The following UGT1A7 variants were observed in gnomAD, a reference collection of about 807,000 sequenced individuals.
UGT1A7 encodes the protein UDP glucuronosyltransferase family 1 member A7, also known as UDP-glucuronosyltransferase 1A7.
UGT1A7 carries 33 observed loss-of-function variants against 45.6 expected under a neutral mutation model. The ratio of observed to expected loss-of-function variants is 0.72; its 90% CI spans 0.55 to 0.97. The LOEUF is 0.97. UGT1A7 is among the 50% of genes least tolerant of loss of function. UGT1A7 has a pLI of 0.00. For synonymous variants in UGT1A7, 274 were observed against 250.6 expected, an observed-to-expected ratio of 1.09 and a Z score of -0.88; for missense variants, 684 against 666.2, an observed-to-expected ratio of 1.03 and a Z score of -0.29.
chr2:233,748,167 T>C, intron 1 of UGT1A7: 1 of 1,593,478 alleles, frequency 6.3e-7, no homozygotes, highest in Admixed American at 1.7e-5. Flanking sequence ...CCATATCTAC[T>C]TATCTTTCTG....
At chr2:233,690,433 G>A (rs2125544985) in intron 1 of UGT1A7, 2 of 1,264,100 alleles carry the variant, frequency 1.6e-6, no homozygotes, top group South Asian at 2.5e-5. Context: ...CACATCTTTG[G>A]GTCTCTCCTC....
rs759077293 is a variant in UGT1A7, at chr2:233,769,522, C to T, written c.1295+1083C>T. On this transcript the variant is annotated intron_variant, in intron 4 of 4. Transcript: ENST00000373426. The surrounding 1 kb of genome is among the most constrained non-coding windows in gnomAD (Gnocchi z 4.4). ...GTCCATTGCTTTCTCCCATGGTTAC[C>T]TCCTTTAGAAAGAAGCAGCAGTCAG... 1.2e-6 allele frequency: 2 copies of T among 1,612,844 alleles called. No individual in the cohort carries two copies. The highest frequency in any genetic ancestry group is 1.7e-6 in the Non-Finnish European group (2 of 1,179,866).
chr2:233,771,661 T>C (rs899762223), intron 4 of UGT1A7: 2 of 152,426 alleles, frequency 1.3e-5, no homozygotes, highest in African/African-American at 4.8e-5. Context: ...TAATGAAATT[T>C]CTCACAAAAT....
chr2:233,724,303 C>T (rs1272665278), intron 1 of UGT1A7, among the ~76,000 whole-genome samples: 6 of 139,774 alleles, frequency 4.3e-5, no homozygotes, highest in South Asian at 2.5e-4. Flanking sequence ...CCCCCCACCT[C>T]CCTCCCGGAC....
intron 1 of UGT1A7, among the ~76,000 whole-genome samples, chr2:233,702,320 A>G (rs2075680943): frequency 6.6e-6 from 1 of 152,048 alleles, no homozygotes; most frequent in Admixed American, 6.6e-5. Flanking sequence ...GTACTTCAAC[A>G]TTTCTGAACT....
intron 1 of UGT1A7, among the ~76,000 whole-genome samples, chr2:233,757,218 C>G (rs1037156819): frequency 2.0e-5 from 3 of 149,068 alleles, no homozygotes; most frequent in African/African-American, 7.5e-5. Context: ...AAGCTGCTGA[C>G]CAAGGTTCCA....
chr2:233,741,913 G>T (rs539186110), intron 1 of UGT1A7: 3 of 151,962 alleles, frequency 2.0e-5, no homozygotes, highest in African/African-American at 4.9e-5. Flanking sequence ...GATGGAAAAG[G>T]TCTTCATTTG....
chr2:233,743,990 C>A lies in UGT1A7; in HGVS notation c.856-23044C>A, dbSNP rs541433916. 65 of 1,267,322 alleles carry A rather than the reference C, an allele frequency of 5.1e-5. No homozygotes were observed. In the African/African-American group the frequency reaches 6.0e-4, roughly 12 times the overall value. 78.5% of individuals were successfully genotyped at this position (1,267,322 alleles called of 1,614,324 possible). On this transcript the variant is annotated intron_variant, in intron 1 of 4. Transcript: ENST00000373426. ...GGCTGCCAGCACCCAGGCGCAGGCC[C>A]GAGTGCTCGGAGACCTGGGCCGCCT...
chr2:233,720,478 G>A (rs1452350529), intron 1 of UGT1A7, among the ~76,000 whole-genome samples: 1 of 152,164 alleles, frequency 6.6e-6, no homozygotes, highest in African/African-American at 2.4e-5. Flanking sequence ...GAATGGACAT[G>A]TGTCCAAGAA....
In UGT1A7 at chr2:233,755,021, G is replaced by A. The variant is rs1378604817; in HGVS notation, c.856-12013G>A. 6 of 1,305,166 alleles carry A rather than the reference G, an allele frequency of 4.6e-6. No individual in the cohort carries two copies. In the East Asian group the frequency reaches 2.8e-4, roughly 60 times the overall value. The allele number at this position is 1,305,166 out of a possible 1,614,324, so 80.8% of individuals were successfully genotyped here. A position where few individuals can be genotyped will look rare whatever the true frequency, so the allele number is the denominator to read the frequency against. Reference sequence around the variant, plus strand: ...TGAAGACCTACTCGAAGGGGTCCTTGAAGGGCCTGCCGCCTGCGCAGCCGC... The same window carrying A: ...TGAAGACCTACTCGAAGGGGTCCTTAAAGGGCCTGCCGCCTGCGCAGCCGC... On this transcript the variant is annotated intron_variant, in intron 1 of 4. Transcript: ENST00000373426.
intron 1 of UGT1A7, among the ~76,000 whole-genome samples, chr2:233,717,553 T>C (rs3806591): frequency 0.1 from 15,445 of 152,232 alleles, 903 homozygotes; most frequent in East Asian, 0.2. Context: ...TCACCAGCAA[T>C]GGCAGACATG....
chr2:233,753,118 A>G (rs1695134024), intron 1 of UGT1A7: 1 of 152,220 alleles, frequency 6.6e-6, no homozygotes, highest in Non-Finnish European at 1.5e-5. Context: ...CATCCCCAGC[A>G]AACTACTCAG....
At chr2:233,683,772 C>T (rs2074650079) in intron 1 of UGT1A7, among the ~76,000 whole-genome samples, 1 of 152,024 alleles carries the variant, frequency 6.6e-6, no homozygotes, top group Non-Finnish European at 1.5e-5. Flanking sequence ...TAATGTACTG[C>T]TTTGAGTTTT....
intron 1 of UGT1A7, among the ~76,000 whole-genome samples, chr2:233,735,346 T>C (rs559111340): frequency 6.6e-6 from 1 of 152,212 alleles, no homozygotes; most frequent in Non-Finnish European, 1.5e-5. Flanking sequence ...GCTTTTTTTT[T>C]GCTTTCCATT....
chr2:233,727,754 C>T (rs1338679517), intron 1 of UGT1A7, among the ~76,000 whole-genome samples: 2 of 152,210 alleles, frequency 1.3e-5, no homozygotes, highest in African/African-American at 4.8e-5. Context: ...GTGTGCTGCC[C>T]TTGAGCTGGG....
intron 1 of UGT1A7, among the ~76,000 whole-genome samples, chr2:233,697,158 A>G (rs1026412563): frequency 6.6e-6 from 1 of 152,018 alleles, no homozygotes; most frequent in Non-Finnish European, 1.5e-5. Flanking sequence ...AACTGGTATT[A>G]ATTCTTTTAA....
intron 1 of UGT1A7, chr2:233,718,679 A>C: frequency 6.4e-7 from 1 of 1,568,142 alleles, no homozygotes; most frequent in Non-Finnish European, 8.6e-7. Context: ...ATGGGTAATA[A>C]GTAACTGGAG....
chr2:233,751,050 G>A (rs1201577547), intron 1 of UGT1A7, among the ~76,000 whole-genome samples: 3 of 151,910 alleles, frequency 2.0e-5, no homozygotes, highest in Admixed American at 2.0e-4. Context: ...GCCTGGAAAA[G>A]ACACAGACAC....
At chr2:233,754,113 C>T (rs1185376783) in intron 1 of UGT1A7, among the ~76,000 whole-genome samples, 1 of 152,168 alleles carries the variant, frequency 6.6e-6, no homozygotes, top group Non-Finnish European at 1.5e-5. Flanking sequence ...TCCTACATCA[C>T]GAGCATTTAT....
Sources: allele counts gnomAD v4.1 joint callset (sites outside exome capture counted in the v4.1 genomes callset), GRCh38; gene constraint gnomAD v4.1.1; non-coding constraint Gnocchi (gnomAD v3.1); transcripts MANE v1.5; gene names NCBI Gene and HGNC (gene_info 2026-07-23, HGNC 2026-07-21).